CEP112: variants seen among roughly 807,000 people sequenced by gnomAD.
The protein encoded by CEP112 is centrosomal protein of 112 kDa.
Under a neutral mutation model 153.0 loss-of-function variants are expected in CEP112, and 127 were observed. That is an observed-to-expected ratio of 0.83 (90% CI 0.72 to 0.96). The LOEUF is 0.96. Ranked by LOEUF, CEP112 falls within the 40% of genes least tolerant of loss-of-function variation. The pLI, the probability that CEP112 is intolerant of heterozygous loss-of-function variation, is 0.00. For synonymous variants in CEP112, 358 were observed against 374.4 expected, an observed-to-expected ratio of 0.96 and a Z score of 0.51; for missense variants, 1,089 against 1,101.2, an observed-to-expected ratio of 0.99 and a Z score of 0.16.
chr17:65,636,235 G>A (rs1317152081), intron 26 of CEP112, among the ~76,000 whole-genome samples: 1 of 152,180 alleles, frequency 6.6e-6, no homozygotes, highest in Non-Finnish European at 1.5e-5. Flanking sequence ...TGCACAAACA[G>A]GAAGGGCGTT....
At chr17:65,969,520 T>C (rs925059871) in intron 17 of CEP112, among the ~76,000 whole-genome samples, 7 of 152,204 alleles carry the variant, frequency 4.6e-5, no homozygotes, top group African/African-American at 1.7e-4. Context: ...ATTACTTGCA[T>C]GTATATTGCA....
At chr17:66,125,467 G>A (rs1297556010) in intron 6 of CEP112, among the ~76,000 whole-genome samples, 3 of 152,002 alleles carry the variant, frequency 2.0e-5, no homozygotes, top group Admixed American at 6.6e-5. Context: ...TGAGCACTAT[G>A]ATCATGCCAC....
chr17:65,727,361 C>A (rs1454825951), intron 23 of CEP112, among the ~76,000 whole-genome samples: 6 of 152,106 alleles, frequency 3.9e-5, no homozygotes, highest in Non-Finnish European at 5.9e-5. Context: ...GATTTCCAAA[C>A]CCTCTTTGTA....
At chr17:66,135,044 T>G (rs1005422055) in intron 4 of CEP112, among the ~76,000 whole-genome samples, 1 of 152,194 alleles carries the variant, frequency 6.6e-6, no homozygotes, top group Non-Finnish European at 1.5e-5. Flanking sequence ...ACATCTATAG[T>G]CCAAATTGCT....
intron 18 of CEP112, among the ~76,000 whole-genome samples, chr17:65,937,900 A>T: frequency 8.7e-6 from 1 of 115,144 alleles, no homozygotes; most frequent in African/African-American, 2.9e-5. Context: ...CCCGGCCACC[A>T]CCCCATCTGG....
At chr17:65,718,052 G>A (rs1380702974) in intron 23 of CEP112, among the ~76,000 whole-genome samples, 3 of 152,218 alleles carry the variant, frequency 2.0e-5, no homozygotes, top group Middle Eastern at 3.4e-3. Context: ...GGGCATAAAA[G>A]TGAAATTTTG....
chr17:65,672,748 G>A (rs1473773752), intron 24 of CEP112, among the ~76,000 whole-genome samples: 3 of 152,080 alleles, frequency 2.0e-5, no homozygotes, highest in Non-Finnish European at 4.4e-5. Context: ...CCTAATAGAT[G>A]GCTCATATTG....
rs537418251 is a variant in CEP112 at position 65,966,008 on chromosome 17, T to C, written c.1737-4410A>G. 5.4e-4 allele frequency among the ~76,000 whole-genome samples: 81 copies of C among 149,836 alleles called. 1 individual carries two copies. The highest frequency in any genetic ancestry group is 1.8e-3 in the African/African-American group (74 of 40,958). ...TTACCATGATCCCAATAGTGCATCCTGAAAGAAGGAGGAAAAAAGGACTGA... is the reference window on the plus strand; with the variant it reads ...TTACCATGATCCCAATAGTGCATCCCGAAAGAAGGAGGAAAAAAGGACTGA... On this transcript the variant is annotated intron_variant, in intron 17 of 26. Coordinates refer to ENST00000535342, the MANE Select transcript of CEP112 (RefSeq NM_001199165.4).
At chr17:65,852,068 TA>T in intron 20 of CEP112, 34 bp from the exon 21 acceptor site, 2 of 1,461,356 alleles carry the variant, frequency 1.4e-6, no homozygotes, top group Non-Finnish European at 1.9e-6. Flanking sequence ...GGGCAGAAGA[TA>T]TCAATAGGGA....
chr17:65,658,547 C>G (rs1260453867), intron 24 of CEP112, among the ~76,000 whole-genome samples: 1 of 152,082 alleles, frequency 6.6e-6, no homozygotes, highest in Non-Finnish European at 1.5e-5. Context: ...TGGGTGTAAG[C>G]AGGACACAAG....
At chr17:65,974,914 C>T (rs2062974812) in intron 17 of CEP112, among the ~76,000 whole-genome samples, 1 of 151,154 alleles carries the variant, frequency 6.6e-6, no homozygotes, top group African/African-American at 2.4e-5. Context: ...CCTAATAGTC[C>T]AGGTCTGGCG....
chr17:66,013,631 T>A (rs1196375835), intron 16 of CEP112, among the ~76,000 whole-genome samples: 2 of 152,190 alleles, frequency 1.3e-5, no homozygotes, highest in African/African-American at 4.8e-5. Context: ...CCTGGTCCGA[T>A]GGCCACAACA....
At chr17:66,126,924 C>G (rs1008575364) in intron 6 of CEP112, among the ~76,000 whole-genome samples, 1 of 152,104 alleles carries the variant, frequency 6.6e-6, no homozygotes, top group East Asian at 1.9e-4. Context: ...AGAAAGAAAA[C>G]AAGCCAGTCA....
At chr17:66,081,615 A>AG (rs2067721331) in intron 8 of CEP112, among the ~76,000 whole-genome samples, 1 of 28,002 alleles carries the variant, frequency 3.6e-5, no homozygotes, top group East Asian at 0.019. Flanking sequence ...ACTCACAGAC[A>AG]AAAAAAAAAA....
At chr17:65,852,198 TCTCCCTTCCTTCCTTCCCTCCCTCTTTCC>T in intron 20 of CEP112, among the ~76,000 whole-genome samples, 164 bp from the exon 21 acceptor site, 1 of 134,366 alleles carries the variant, frequency 7.4e-6, no homozygotes, top group South Asian at 2.5e-4. Context: ...CCTCTTTCCC[TCTCCCTTCCTTCCTTCCCTCCCTCTTTCC>T]CTCTCCCTTC....
At chr17:65,983,978 TG>T (rs2063316420) in intron 17 of CEP112, among the ~76,000 whole-genome samples, 1 of 152,180 alleles carries the variant, frequency 6.6e-6, no homozygotes, top group Admixed American at 6.5e-5. Context: ...ACACTTACTT[TG>T]TTGCTTTTTA....
chr17:66,121,308 CA>C (rs1290022531), intron 6 of CEP112, among the ~76,000 whole-genome samples: 1 of 151,898 alleles, frequency 6.6e-6, no homozygotes, highest in African/African-American at 2.4e-5. Context: ...CTTTGTTTCT[CA>C]GCAATTTTAG....
intron 4 of CEP112, among the ~76,000 whole-genome samples, chr17:66,145,801 T>A (rs76593652): frequency 0.022 from 3,312 of 152,202 alleles, 62 homozygotes; most frequent in Non-Finnish European, 0.034. Flanking sequence ...TCATTCCTCA[T>A]GGATAATGAA....
chr17:65,656,042 A>G (rs1335280583), intron 24 of CEP112, among the ~76,000 whole-genome samples: 1 of 152,170 alleles, frequency 6.6e-6, no homozygotes, highest in Non-Finnish European at 1.5e-5. Context: ...CCCCTCTCCC[A>G]TTCTCTGACC....
Sources: gnomAD v4.1 joint callset for allele counts (sites outside exome capture counted in the v4.1 genomes callset) on GRCh38, gnomAD v4.1.1 for gene constraint, MANE v1.5 for transcripts, NCBI Gene and HGNC (gene_info 2026-07-23, HGNC 2026-07-21) for gene names.